The following HERPUD1 variants were observed in gnomAD, a reference collection of about 807,000 sequenced individuals.
The protein encoded by HERPUD1 is homocysteine-responsive endoplasmic reticulum-resident ubiquitin-like domain member 1 protein.
A neutral mutation model predicts 45.0 loss-of-function variants in HERPUD1; 17 were observed. The observed-to-expected ratio is 0.38, with a 90% CI of 0.26 to 0.57. The LOEUF is 0.57. Among genes scored for constraint, HERPUD1 ranks in the 20% least tolerant of loss-of-function variants. The pLI, the probability that HERPUD1 is intolerant of heterozygous loss-of-function variation, is 0.72. For synonymous variants in HERPUD1, 164 were observed against 177.5 expected, an observed-to-expected ratio of 0.92 and a Z score of 0.61; for missense variants, 420 against 490.5, an observed-to-expected ratio of 0.86 and a Z score of 1.36.
At position 56,932,170 on chromosome 16, in the gene HERPUD1, A is replaced by T; in HGVS notation, c.-75A>T. Reference sequence around the variant, plus strand: ...CCAGAGACGTGAACTGTCGTTGCAGAGATTGCGGGCGGCTGAGACGCCGCC... The same window carrying T: ...CCAGAGACGTGAACTGTCGTTGCAGTGATTGCGGGCGGCTGAGACGCCGCC... On this transcript the variant is annotated 5_prime_UTR_variant, in exon 1 of 8. Coordinates refer to ENST00000439977, the MANE Select transcript of HERPUD1 (RefSeq NM_014685.4). 2 of 1,566,162 alleles carry T rather than the reference A, an allele frequency of 1.3e-6. No homozygotes were observed.
intron 1 of HERPUD1, among the ~76,000 whole-genome samples, chr16:56,933,896 C>T (rs1221888721): frequency 6.6e-6 from 1 of 152,180 alleles, no homozygotes; most frequent in African/African-American, 2.4e-5. Flanking sequence ...CCTACATATA[C>T]AAAAGGTACT....
Position 56,943,285 on chromosome 16 carries a change from A to G in HERPUD1, c.1171A>G (p.Asn391Asp), listed in dbSNP as rs201792069. The G allele has an allele frequency of 3.7e-6, 6 of 1,613,940 alleles. No homozygotes were observed. Among genetic ancestry groups the G allele is most frequent in the South Asian group, 1.1e-5 (1 of 91,092 alleles). Residue 391 changes from asparagine (N) to aspartate (D), a missense_variant, in exon 8 of 8, where the codon AAC becomes GAC. Coordinates refer to ENST00000439977, the MANE Select transcript of HERPUD1 (RefSeq NM_014685.4). ...TCCAGAAGGCCCCCCAGCCATCGCA[A>G]ACTGATGGTGTTTGTGCTGTAGCTG... ...LLPEGPPAIA[N>D]
At chr16:56,942,592 C>T (rs770601832) in intron 7 of HERPUD1, among the ~76,000 whole-genome samples, 3 of 152,168 alleles carry the variant, frequency 2.0e-5, no homozygotes, top group African/African-American at 4.8e-5. Context: ...TGGTGGCTCA[C>T]GCCTGTAATC....
At chr16:56,940,366 T>C in intron 6 of HERPUD1, 121 bp downstream of exon 6, 1 of 703,160 alleles carries the variant, frequency 1.4e-6, no homozygotes, top group Non-Finnish European at 2.4e-6. Context: ...CAGGCTGGAG[T>C]ACAATGGCAC....
In HERPUD1 at chr16:56,939,995, T is replaced by A. The variant is rs773564090; in HGVS notation, c.655T>A (p.Phe219Ile). 1 of 1,614,176 alleles carries A rather than the reference T, an allele frequency of 6.2e-7. No homozygotes were observed. Among genetic ancestry groups the A allele is most frequent in the South Asian group, 1.1e-5 (1 of 91,086 alleles). The change falls in exon 6 of 8, where the codon TTT becomes ATT. Residue 219 changes from phenylalanine (F) to isoleucine (I), a missense_variant. Phe to Ile is a conservative substitution (Grantham distance 21, BLOSUM62 0). Transcript: ENST00000439977. ...APAPAPIHNQ[F>I]PAENQPANQN... ...TGCTCCAGCCCCTATTCACAACCAG[T>A]TTCCAGCTGAAAACCAGCCTGCCAA...
At chr16:56,939,067 T>C in intron 4 of HERPUD1, 170 bp from the exon 5 acceptor site, 1 of 668,702 alleles carries the variant, frequency 1.5e-6, no homozygotes, top group Non-Finnish European at 2.5e-6. Flanking sequence ...ATTTAGTACC[T>C]TCTGTGCTTG....
intron 4 of HERPUD1, 90 bp downstream of exon 4, chr16:56,936,907 A>T: frequency 1.5e-6 from 2 of 1,374,504 alleles, no homozygotes; most frequent in Non-Finnish European, 2.0e-6. Context: ...ACACGTATAT[A>T]ATCAGAACTT....
chr16:56,932,162 C>T lies in HERPUD1; in HGVS notation c.-83C>T, dbSNP rs550047558. On this transcript the variant is annotated 5_prime_UTR_variant, in exon 1 of 8. Transcript: ENST00000439977. ...CGCGCGCCCCAGAGACGTGAACTGT[C>T]GTTGCAGAGATTGCGGGCGGCTGAG... 3.6e-4 allele frequency: 555 copies of T among 1,558,284 alleles called. 4 individuals carry two copies. In the South Asian group the frequency reaches 5.5e-3, roughly 15 times the overall value.
At chr16:56,942,302 C>A in intron 7 of HERPUD1, 65 bp downstream of exon 7, 2 of 1,020,470 alleles carry the variant, frequency 2.0e-6, no homozygotes, top group East Asian at 2.4e-5. Flanking sequence ...CAATCCTCAA[C>A]CTTTAGATTG....
Position 56,939,285 on chromosome 16 carries a change from C to A in HERPUD1, c.480C>A (p.Ser160=). ...TCCAAGGCCTGGGTCCTGGTTTCTC[C>A]GGTTACACACCCTATGGGTGGCTTC... ...QAFQGLGPGF[S]GYTPYGWLQL... Residue 160 remains serine (S), a synonymous_variant, in exon 5 of 8, where the codon TCC becomes TCA. Transcript: ENST00000439977. 1.9e-6 allele frequency: 3 copies of A among 1,614,220 alleles called. No homozygotes were observed. Among genetic ancestry groups the A allele is most frequent in the Non-Finnish European group, 2.5e-6 (3 of 1,180,024 alleles).
intron 4 of HERPUD1, 85 bp from the exon 5 acceptor site, chr16:56,939,151 GA>G (rs2055889083): frequency 4.1e-6 from 6 of 1,459,158 alleles, no homozygotes; most frequent in Non-Finnish European, 5.7e-6. Context: ...TCTTCGATTT[GA>G]ATTCTTGATT....
At chr16:56,942,076 G>A in intron 6 of HERPUD1, 56 bp from the exon 7 acceptor site, 10 of 1,408,230 alleles carry the variant, frequency 7.1e-6, no homozygotes, top group South Asian at 1.2e-5. Flanking sequence ...TTGGATTCTT[G>A]AGTAAGTCTC....
At chr16:56,942,437 T>C (rs1236559246) in intron 7 of HERPUD1, among the ~76,000 whole-genome samples, 200 bp downstream of exon 7, 1 of 152,262 alleles carries the variant, frequency 6.6e-6, no homozygotes, top group Non-Finnish European at 1.5e-5. Flanking sequence ...ATTTTTGACG[T>C]GGCAATTTGC....
chr16:56,932,427 G>A, intron 1 of HERPUD1, 36 bp downstream of exon 1: 2 of 1,504,052 alleles, frequency 1.3e-6, no homozygotes, highest in Non-Finnish European at 1.8e-6. Context: ...CCTAGGCTGT[G>A]GCCCCCCGCC....
At position 56,935,364 on chromosome 16, in the gene HERPUD1, A is replaced by T. The variant is rs755578503; in HGVS notation, c.226-37A>T. On this transcript the variant is annotated intron_variant, in intron 2 of 7. Transcript: ENST00000439977. ...AATGTTTTTAAGCACTCACCAGGTTAGGTTCAGGTCCTTAAGTACCTTCGT... is the reference window on the plus strand; with the variant it reads ...AATGTTTTTAAGCACTCACCAGGTTTGGTTCAGGTCCTTAAGTACCTTCGT... 11 of 1,611,302 alleles carry T rather than the reference A, an allele frequency of 6.8e-6. No individual in the cohort carries two copies. In the East Asian group the frequency reaches 2.2e-4, roughly 33 times the overall value.
chr16:56,939,948 A>T lies in HERPUD1; in HGVS notation c.608A>T (p.Glu203Val), dbSNP rs745882947. 1 of 1,614,172 alleles carries T rather than the reference A, an allele frequency of 6.2e-7. No individual in the cohort carries two copies. Among genetic ancestry groups the T allele is most frequent in the South Asian group, 1.1e-5 (1 of 91,074 alleles). ...TTTGTTCCACCACCAAGTGCACAAGAGATACCTGTGGTCTCTGCACCTGCT... is the reference window on the plus strand; with the variant it reads ...TTTGTTCCACCACCAAGTGCACAAGTGATACCTGTGGTCTCTGCACCTGCT... ...GAFVPPPSAQ[E>V]IPVVSAPAPA... Residue 203 changes from glutamate (E) to valine (V), a missense_variant, in exon 6 of 8, where the codon GAG becomes GTG. Transcript: ENST00000439977.
At chr16:56,933,856 A>G (rs1389874003) in intron 1 of HERPUD1, among the ~76,000 whole-genome samples, 1 of 152,196 alleles carries the variant, frequency 6.6e-6, no homozygotes, top group Non-Finnish European at 1.5e-5. Flanking sequence ...GGCCTTTTCT[A>G]TTGGTTGAAC....
At chr16:56,932,514 C>T in intron 1 of HERPUD1, 123 bp downstream of exon 1, 1 of 917,432 alleles carries the variant, frequency 1.1e-6, no homozygotes, top group Non-Finnish European at 1.6e-6. Flanking sequence ...CTCGGCCGGT[C>T]ACCTCCCCCA....
Position 56,932,280 on chromosome 16 carries a change from C to A in HERPUD1, c.36C>A (p.Leu12=). 6.2e-7 allele frequency: 1 copy of A among 1,609,286 alleles called. No individual in the cohort carries two copies. Residue 12 remains leucine, a synonymous_variant, in exon 1 of 8, where the codon CTC becomes CTA. Transcript: ENST00000439977. ...ESETEPEPVT[L]LVKSPNQRHR... ...AGACCGAACCCGAGCCCGTCACGCT[C>A]CTGGTGAAGAGCCCCAACCAGCGCC...
Sources: gnomAD v4.1 joint callset for allele counts (sites outside exome capture counted in the v4.1 genomes callset) on GRCh38, gnomAD v4.1.1 for gene constraint, MANE v1.5 for transcripts, NCBI Gene and HGNC (gene_info 2026-07-23, HGNC 2026-07-21) for gene names.